DIS3L: variants seen among roughly 807,000 people sequenced by gnomAD.
DIS3L encodes DIS3 like exosome 3'-5' exoribonuclease, also known as DIS3-like exonuclease 1.
DIS3L carries 100 observed loss-of-function variants against 120.3 expected under a neutral mutation model. That is an observed-to-expected ratio of 0.83 (90% CI 0.71 to 0.98). The LOEUF is 0.98. Among genes scored for constraint, DIS3L ranks in the 50% least tolerant of loss-of-function variants. DIS3L has a pLI of 0.00. For synonymous variants in DIS3L, 426 were observed against 470.6 expected, an observed-to-expected ratio of 0.91 and a Z score of 1.23; for missense variants, 1,196 against 1,314.2, an observed-to-expected ratio of 0.91 and a Z score of 1.39.
At chr15:66,307,053 C>T (rs768309056) in intron 3 of DIS3L, 101 bp downstream of exon 3, 14 of 1,448,030 alleles carry the variant, frequency 9.7e-6, no homozygotes, top group Non-Finnish European at 1.2e-5. Context: ...TAGAACAAAC[C>T]AACAATTATT....
intron 10 of DIS3L, 120 bp from the exon 11 acceptor site, chr15:66,323,373 G>A: frequency 1.1e-6 from 1 of 936,626 alleles, no homozygotes; most frequent in Non-Finnish European, 1.7e-6. Context: ...TTATGAAACA[G>A]CAACAGCCTT....
chr15:66,322,754 G>C lies in DIS3L; in HGVS notation c.1394G>C (p.Arg465Pro). The change falls in exon 10 of 17, where the codon CGT (arginine) becomes CCT (proline). Residue 465 changes from arginine to proline, a missense_variant. Coordinates refer to ENST00000319212, the MANE Select transcript of DIS3L (RefSeq NM_001143688.3). ...GTGAGTCCTGAAGAGGAACAAAAACGTAAAGACTTGAGGAAAAGCCATCTC... is the reference window on the plus strand; with the variant it reads ...GTGAGTCCTGAAGAGGAACAAAAACCTAAAGACTTGAGGAAAAGCCATCTC... ...WKVSPEEEQK[R>P]KDLRKSHLVF... is the part of the protein sequence containing the mutation. The C allele has an allele frequency of 6.2e-7, 1 of 1,614,122 alleles. No individual in the cohort carries two copies. The highest frequency in any genetic ancestry group is 8.5e-7 in the Non-Finnish European group (1 of 1,180,038).
At chr15:66,320,422 C>CAA (rs112874647) in intron 8 of DIS3L, 149 bp from the exon 9 acceptor site, 4,841 of 681,228 alleles carry the variant, frequency 7.1e-3, no homozygotes, top group South Asian at 0.012. Flanking sequence ...GAATGAAAAA[C>CAA]AAAAAAAAAA....
At chr15:66,306,319 G>A (rs961000757) in intron 2 of DIS3L, among the ~76,000 whole-genome samples, 3 of 152,122 alleles carry the variant, frequency 2.0e-5, no homozygotes, top group Non-Finnish European at 1.5e-5. Flanking sequence ...GTAAATCAGG[G>A]TGGCTGCATA....
Position 66,318,698 on chromosome 15 carries a change from A to G in DIS3L, c.1164+80A>G. 2.8e-6 allele frequency: 4 copies of G among 1,417,610 alleles called. No homozygotes were observed. In the South Asian group the frequency reaches 4.1e-5, roughly 14 times the overall value. The allele number at this position is 1,417,610 out of a possible 1,614,324, so 87.8% of individuals were successfully genotyped here. A position where few individuals can be genotyped will look rare whatever the true frequency, so the allele number is the denominator to read the frequency against. On this transcript the variant is annotated intron_variant, in intron 8 of 16. Transcript: ENST00000319212. ...TACCAGCTTTTTAGCAGTACCAGAA[A>G]GCATTGTTAATTCCTTTGCATATAA...
intron 2 of DIS3L, among the ~76,000 whole-genome samples, chr15:66,300,873 G>A (rs897088660): frequency 1.3e-5 from 2 of 152,220 alleles, no homozygotes; most frequent in Non-Finnish European, 2.9e-5. Context: ...GGCCCCAAAT[G>A]TACTCCATAA....
chr15:66,311,703 C>G, intron 4 of DIS3L, 21 bp from the exon 5 acceptor site: 1 of 1,613,204 alleles, frequency 6.2e-7, no homozygotes, highest in Middle Eastern at 1.7e-4. Context: ...CCGTGTTTCT[C>G]TGTGCCTTTA....
chr15:66,293,563 C>G, upstream of DIS3L: 2 of 1,407,496 alleles, frequency 1.4e-6, no homozygotes, highest in Non-Finnish European at 1.9e-6. Context: ...TCCGCCGCGC[C>G]CGCCACTCCG....
chr15:66,323,704 C>A (rs2092909695), intron 11 of DIS3L, 119 bp downstream of exon 11: 2 of 1,015,104 alleles, frequency 2.0e-6, no homozygotes, highest in Non-Finnish European at 3.0e-6. Flanking sequence ...TGTGTCTCCC[C>A]TCTGACCTCT....
intron 6 of DIS3L, 48 bp from the exon 7 acceptor site, chr15:66,314,988 G>A: frequency 2.5e-6 from 4 of 1,591,686 alleles, no homozygotes; most frequent in Non-Finnish European, 3.4e-6. Flanking sequence ...TCACTGGTGT[G>A]CCATTCCCTT....
rs1311357672 is a variant in DIS3L at position 66,320,607 on chromosome 15, T to C, written c.1201T>C (p.Ser401Pro). 1.2e-6 allele frequency: 2 copies of C among 1,613,640 alleles called. No homozygotes were observed. Among genetic ancestry groups the C allele is most frequent in the African/African-American group, 2.7e-5 (2 of 74,870 alleles). ...GGTCGTGCGCATCGATTCCTGGGAG[T>C]CAACATCTGTGTATCCAAATGGACA... is the stretch of plus-strand genomic sequence containing the variant. ...RVVVRIDSWESTSVYPNGHFV... is the reference protein window; with the variant it reads ...RVVVRIDSWEPTSVYPNGHFV... Residue 401 changes from serine (S) to proline (P), a missense_variant, in exon 9 of 17, where the codon TCA becomes CCA. Ser to Pro is a moderately conservative substitution (Grantham distance 74, BLOSUM62 -1). Transcript: ENST00000319212.
At chr15:66,325,634 G>A (rs894038572) in intron 11 of DIS3L, among the ~76,000 whole-genome samples, 197 bp from the exon 12 acceptor site, 5 of 152,138 alleles carry the variant, frequency 3.3e-5, no homozygotes, top group African/African-American at 7.2e-5. Flanking sequence ...GTGGGGCATG[G>A]TGGCTTACAC....
rs754258629 is a variant in DIS3L at position 66,315,220 on chromosome 15, G to A, written c.994+5G>A. Reference sequence around the variant, plus strand: ...CAAGTGAGCCCATGCCTACAGGTGAGCCAGCTGCAGAGCCACTCCGATGTC... The same window carrying A: ...CAAGTGAGCCCATGCCTACAGGTGAACCAGCTGCAGAGCCACTCCGATGTC... On this transcript the variant is annotated splice_donor_5th_base_variant and intron_variant, in intron 7 of 16. Coordinates refer to ENST00000319212, the MANE Select transcript of DIS3L (RefSeq NM_001143688.3). 6.2e-7 allele frequency: 1 copy of A among 1,601,882 alleles called. No homozygotes were observed.
chr15:66,325,222 C>A (rs958305445), intron 11 of DIS3L, among the ~76,000 whole-genome samples: 1 of 152,064 alleles, frequency 6.6e-6, no homozygotes, highest in Non-Finnish European at 1.5e-5. Flanking sequence ...AGTGAAACCC[C>A]GTCTCTACTA....
intron 14 of DIS3L, among the ~76,000 whole-genome samples, chr15:66,330,974 G>A (rs989522429): frequency 2.0e-5 from 3 of 152,088 alleles, no homozygotes; most frequent in African/African-American, 7.2e-5. Context: ...GGCCAACATG[G>A]TGAAACCCCG....
In DIS3L at chr15:66,300,587, A is replaced by G. The variant is rs534347769; in HGVS notation, c.293+5446A>G. On this transcript the variant is annotated intron_variant, in intron 2 of 16. Coordinates refer to ENST00000319212, the MANE Select transcript of DIS3L (RefSeq NM_001143688.3). ...CTCAATAAAGCTGCTCTTTTTTAAAATCTCTAGAACTAGTGATAGATTTAG... is the reference window on the plus strand; with the variant it reads ...CTCAATAAAGCTGCTCTTTTTTAAAGTCTCTAGAACTAGTGATAGATTTAG... 2.6e-5 allele frequency among the ~76,000 whole-genome samples: 4 copies of G among 152,348 alleles called. No homozygotes were observed. In the East Asian group the frequency reaches 7.7e-4, roughly 29 times the overall value.
At chr15:66,309,820 G>T (rs1298732956) in intron 4 of DIS3L, among the ~76,000 whole-genome samples, 1 of 152,166 alleles carries the variant, frequency 6.6e-6, no homozygotes, top group Non-Finnish European at 1.5e-5. Flanking sequence ...TTCCCCACTT[G>T]TGAATGTTCA....
chr15:66,311,050 TAAAAAAAAAAAA>T (rs34815047), intron 4 of DIS3L, among the ~76,000 whole-genome samples: 5 of 88,552 alleles, frequency 5.6e-5, no homozygotes, highest in African/African-American at 1.9e-4. Context: ...CCCTGTCCCT[TAAAAAAAAAAAA>T]AAAAAAAAAA....
intron 5 of DIS3L, 129 bp from the exon 6 acceptor site, chr15:66,313,910 A>C (rs1405560911): frequency 6.5e-6 from 4 of 614,840 alleles, no homozygotes; most frequent in Non-Finnish European, 8.3e-6. Flanking sequence ...TATAGTTCCT[A>C]AAGGGATCAC....
Sources: gnomAD v4.1 joint callset for allele counts (sites outside exome capture counted in the v4.1 genomes callset) on GRCh38, gnomAD v4.1.1 for gene constraint, MANE v1.5 for transcripts, NCBI Gene and HGNC (gene_info 2026-07-23, HGNC 2026-07-21) for gene names.